H6PD: variants seen among roughly 807,000 people sequenced by gnomAD.
H6PD encodes the protein GDH/6PGL endoplasmic bifunctional protein.
H6PD carries 48 observed loss-of-function variants against 61.2 expected under a neutral mutation model. The observed-to-expected ratio is 0.78, with a 90% CI of 0.62 to 1.00. The LOEUF is 1.00. Among genes scored for constraint, H6PD ranks in the 50% least tolerant of loss-of-function variants. The probability of loss-of-function intolerance (pLI) is 0.00; values close to 1 mark genes in which losing one functional copy is unlikely to be tolerated. For missense variants in H6PD, 1,093 were observed against 1,065.0 expected (o/e 1.03, Z -0.37); for synonymous variants, 480 against 457.9 (o/e 1.05, Z -0.62).
Position 9,264,872 on chromosome 1 carries a change from G to T in H6PD, c.*3G>T, listed in dbSNP as rs1290545520. ...ACTACGACGCCTTCCTGGGATGAGG[G>T]CGCCTGTGCCCCTTGCCCGCTTCGC... is the stretch of plus-strand genomic sequence containing the variant. On this transcript the variant is annotated 3_prime_UTR_variant, in exon 5 of 5. Transcript: ENST00000377403. The T allele has an allele frequency of 6.2e-7, 1 of 1,610,992 alleles. No homozygotes were observed. The highest frequency in any genetic ancestry group is 1.3e-5 in the African/African-American group (1 of 74,882).
chr1:9,269,291 G>C lies in H6PD; in HGVS notation c.*4422G>C, dbSNP rs922444468. 6.6e-6 allele frequency: 1 copy of C among 152,326 alleles called. No homozygotes were observed. The highest frequency in any genetic ancestry group is 2.1e-4 in the South Asian group (1 of 4,830). 9.4% of individuals were successfully genotyped at this position (152,326 alleles called of 1,614,324 possible). The stretch of plus-strand genomic sequence containing the variant: ...CATTCCCTCTCTCCGCAACTCTCCC[G>C]TGAGGCTGCACCCGTGTGGGTAGCA... On this transcript the variant is annotated 3_prime_UTR_variant, in exon 5 of 5. Transcript: ENST00000377403. This position sits in a 1 kb window ranked among gnomAD's most constrained non-coding sequence, Gnocchi z 4.3.
rs149583499 is a variant in H6PD at position 9,253,120 on chromosome 1, A to G, written c.745+6037A>G. On this transcript the variant is annotated intron_variant, in intron 3 of 4. Coordinates refer to ENST00000377403, the MANE Select transcript of H6PD (RefSeq NM_004285.4). ...GCACTCAGCTGCATGGCCTCTTCCC[A>G]GGGAGGTGCCAGGCCACAGTCCCAG... is the stretch of plus-strand genomic sequence containing the variant. Among the ~76,000 whole-genome samples, 94 of 152,304 alleles carry G rather than the reference A, an allele frequency of 6.2e-4. No individual in the cohort carries two copies. In the East Asian group the frequency reaches 0.014, roughly 23 times the overall value.
chr1:9,259,982 T>C (rs573284316), intron 3 of H6PD, among the ~76,000 whole-genome samples: 3 of 152,256 alleles, frequency 2.0e-5, no homozygotes, highest in Non-Finnish European at 4.4e-5. Context: ...GTTATGTTGT[T>C]GTTACACTGG....
In H6PD at chr1:9,263,719, G is replaced by A; in HGVS notation, c.1226G>A (p.Ser409Asn). 6.2e-7 allele frequency: 1 copy of A among 1,613,976 alleles called. No homozygotes were observed. The highest frequency in any genetic ancestry group is 8.5e-7 in the Non-Finnish European group (1 of 1,179,992). The change falls in exon 5 of 5, where the codon AGC (serine) becomes AAC (asparagine). Residue 409 changes from serine (S) to asparagine (N), a missense_variant. Physicochemically the swap from Ser to Asn is conservative, Grantham distance 46. Transcript: ENST00000377403. ...CACATCGGCCATGGCGACCTGGGCA[G>A]CCCTGCCGTGCTGGTCAGCAGGAAC... ...VFHIGHGDLG[S>N]PAVLVSRNLF...
intron 3 of H6PD, among the ~76,000 whole-genome samples, chr1:9,258,055 CCTCA>C (rs1428691886): frequency 6.6e-6 from 1 of 152,246 alleles, no homozygotes; most frequent in African/African-American, 2.4e-5. Context: ...CTGCCTCCTT[CCTCA>C]CTCGCGGAGC....
chr1:9,239,294 G>A (rs1341266556), intron 1 of H6PD, among the ~76,000 whole-genome samples: 4 of 152,070 alleles, frequency 2.6e-5, no homozygotes, highest in South Asian at 4.1e-4. Context: ...TAGTCCTCCC[G>A]TCTCAGTCTC....
chr1:9,243,898 G>A (rs1329769999), intron 1 of H6PD, among the ~76,000 whole-genome samples: 1 of 152,088 alleles, frequency 6.6e-6, no homozygotes, highest in African/African-American at 2.4e-5. Flanking sequence ...TCTGACGTCA[G>A]GGTCAAGAGG....
intron 3 of H6PD, among the ~76,000 whole-genome samples, chr1:9,257,942 G>C (rs1227272740): frequency 6.6e-6 from 1 of 152,244 alleles, no homozygotes; most frequent in Non-Finnish European, 1.5e-5. Context: ...CTGTATATTC[G>C]AGTCACCGAT....
In H6PD at chr1:9,266,587, A is replaced by C. The variant is rs1309205044; in HGVS notation, c.*1718A>C. 1 of 152,196 alleles carries C rather than the reference A, an allele frequency of 6.6e-6. No individual in the cohort carries two copies. Among genetic ancestry groups the C allele is most frequent in the East Asian group, 1.9e-4 (1 of 5,194 alleles). The allele number at this position is 152,196 out of a possible 1,614,324, so 9.4% of individuals were successfully genotyped here. A position where few individuals can be genotyped will look rare whatever the true frequency, so the allele number is the denominator to read the frequency against. On this transcript the variant is annotated 3_prime_UTR_variant, in exon 5 of 5. Transcript: ENST00000377403. ...TCTGTCTGGCTTCTCCGCACCTTCC[A>C]CTTGCTCTCTGGATCAGGCAGATAT...
intron 1 of H6PD, chr1:9,242,912 T>C (rs1029902360): frequency 4.1e-6 from 4 of 985,280 alleles, no homozygotes; most frequent in Non-Finnish European, 4.8e-6. Context: ...AAAAAACGCT[T>C]GAAGGGCCAA....
Position 9,270,778 on chromosome 1 carries a change from G to C in H6PD, c.*5909G>C, listed in dbSNP as rs1239375104. On this transcript the variant is annotated 3_prime_UTR_variant, in exon 5 of 5. Coordinates refer to ENST00000377403, the MANE Select transcript of H6PD (RefSeq NM_004285.4). Reference sequence around the variant, plus strand: ...CTGGGCTTCTGCCAGGTGAGGAGCAGAGAGACTGTTCCCTTGGGTGGAGAG... The same window carrying C: ...CTGGGCTTCTGCCAGGTGAGGAGCACAGAGACTGTTCCCTTGGGTGGAGAG... 6.6e-6 allele frequency: 1 copy of C among 152,284 alleles called. No homozygotes were observed. Among genetic ancestry groups the C allele is most frequent in the East Asian group, 1.9e-4 (1 of 5,198 alleles). The allele number at this position is 152,284 out of a possible 1,614,324, so 9.4% of individuals were successfully genotyped here. A position where few individuals can be genotyped will look rare whatever the true frequency, so the allele number is the denominator to read the frequency against.
At chr1:9,244,790 T>C in intron 1 of H6PD, 135 bp from the exon 2 acceptor site, 2 of 831,910 alleles carry the variant, frequency 2.4e-6, no homozygotes, top group South Asian at 2.8e-5. Flanking sequence ...AGGGACAAGC[T>C]GTGGGCTTAT....
At chr1:9,250,337 A>C (rs951011692) in intron 3 of H6PD, among the ~76,000 whole-genome samples, 2 of 151,750 alleles carry the variant, frequency 1.3e-5, no homozygotes, top group Non-Finnish European at 2.9e-5. Flanking sequence ...TGCTAATCAG[A>C]GGGGTCAAAG....
Position 9,245,325 on chromosome 1 carries a change from G to T in H6PD, c.391G>T (p.Ala131Ser), listed in dbSNP as rs373092914. ...NKDIEAQLQH[A>S]GLREAGRIFY... ...GGACATCGAGGCACAGCTCCAGCAC[G>T]CAGGCCTCCGGGAGGCTGGCAGGAT... Residue 131 changes from alanine (A) to serine (S), a missense_variant, in exon 2 of 5, where the codon GCA becomes TCA. Physicochemically the swap from Ala to Ser is moderately conservative, Grantham distance 99. Transcript: ENST00000377403. The surrounding 1 kb of genome is among the most constrained non-coding windows in gnomAD (Gnocchi z 4.8). 3.2e-5 allele frequency: 51 copies of T among 1,614,154 alleles called. No homozygotes were observed. In the Middle Eastern group the frequency reaches 4.9e-4, roughly 16 times the overall value.
chr1:9,268,928 A>C lies in H6PD; in HGVS notation c.*4059A>C, dbSNP rs1485417522. 1 of 152,194 alleles carries C rather than the reference A, an allele frequency of 6.6e-6. No homozygotes were observed. The highest frequency in any genetic ancestry group is 1.5e-5 in the Non-Finnish European group (1 of 68,040). 9.4% of individuals were successfully genotyped at this position (152,194 alleles called of 1,614,324 possible). On this transcript the variant is annotated 3_prime_UTR_variant, in exon 5 of 5. Transcript: ENST00000377403. ...TTCCCAGAATTTGGTTTTCAAGTACAAAACTTTTTGTCCTGTAAGATATAT... is the reference window on the plus strand; with the variant it reads ...TTCCCAGAATTTGGTTTTCAAGTACCAAACTTTTTGTCCTGTAAGATATAT...
chr1:9,239,760 G>A, intron 1 of H6PD: 1 of 383,370 alleles, frequency 2.6e-6, no homozygotes. Flanking sequence ...GGCAGCAGCA[G>A]ACATTGACCT....
chr1:9,264,271 C>T lies in H6PD; in HGVS notation c.1778C>T (p.Ser593Leu), dbSNP rs538048443. The T allele has an allele frequency of 1.6e-5, 26 of 1,609,816 alleles. No homozygotes were observed. The African/African-American group carries it at 2.4e-4, about 15-fold the overall frequency. ...TTCCACCTGGCACTGTCGGGGGGCT[C>T]GAGCCCCGTGGCCCTGTTCCAGCAG... ...GQFHLALSGGSSPVALFQQLA... is the reference protein window; with the variant it reads ...GQFHLALSGGLSPVALFQQLA... The change falls in exon 5 of 5, where the codon TCG becomes TTG. Residue 593 changes from serine (S) to leucine (L), a missense_variant. Coordinates refer to ENST00000377403, the MANE Select transcript of H6PD (RefSeq NM_004285.4).
At chr1:9,261,143 C>A (rs760790482) in intron 3 of H6PD, among the ~76,000 whole-genome samples, 7 of 152,196 alleles carry the variant, frequency 4.6e-5, no homozygotes, top group Admixed American at 6.5e-5. Flanking sequence ...CATTCTCCCC[C>A]CAAGACCAGG....
At chr1:9,263,464 C>T (rs1638406447) in intron 4 of H6PD, 45 bp from the exon 5 acceptor site, 2 of 1,599,428 alleles carry the variant, frequency 1.3e-6, no homozygotes, top group South Asian at 2.2e-5. Context: ...CCGGAGAGTC[C>T]TGGTCTGTGC....
Sources: gnomAD v4.1 joint callset for allele counts (sites outside exome capture counted in the v4.1 genomes callset) on GRCh38, gnomAD v4.1.1 for gene constraint, Gnocchi (gnomAD v3.1) non-coding constraint, MANE v1.5 for transcripts, NCBI Gene and HGNC (gene_info 2026-07-23, HGNC 2026-07-21) for gene names.